The following KDM4A variants were observed in gnomAD, a reference collection of about 807,000 sequenced individuals.
The protein encoded by KDM4A is lysine-specific demethylase 4A.
Under a neutral mutation model 127.1 loss-of-function variants are expected in KDM4A, and 23 were observed. The ratio of observed to expected loss-of-function variants is 0.18; its 90% CI spans 0.13 to 0.26. The LOEUF is 0.26. Ranked by LOEUF, KDM4A falls within the 10% of genes least tolerant of loss-of-function variation. The pLI is 1.00. For synonymous variants in KDM4A, 443 were observed against 466.5 expected, an observed-to-expected ratio of 0.95 and a Z score of 0.65; for missense variants, 890 against 1,329.1, an observed-to-expected ratio of 0.67 and a Z score of 5.14.
At chr1:43,652,368 T>C (rs1321055781) in intron 1 of KDM4A, among the ~76,000 whole-genome samples, 1 of 152,228 alleles carries the variant, frequency 6.6e-6, no homozygotes, top group African/African-American at 2.4e-5. Context: ...TCTTTTTTTT[T>C]TCTTTCAAGA....
At chr1:43,698,135 C>A in intron 19 of KDM4A, 122 bp downstream of exon 19, 1 of 871,360 alleles carries the variant, frequency 1.1e-6, no homozygotes, top group Non-Finnish European at 1.7e-6. Context: ...ATCACCATGT[C>A]CTCAAACAGA....
intron 3 of KDM4A, among the ~76,000 whole-genome samples, chr1:43,658,638 G>A (rs1557903527): frequency 6.6e-6 from 1 of 151,564 alleles, no homozygotes. Context: ...CAAGTAGCTG[G>A]GACTATAGGC....
At chr1:43,696,962 T>C (rs1232258621) in intron 18 of KDM4A, among the ~76,000 whole-genome samples, 2 of 152,278 alleles carry the variant, frequency 1.3e-5, no homozygotes, top group African/African-American at 2.4e-5. Flanking sequence ...GAAGGACACA[T>C]AGAAGCAAGT....
rs188630655 is a variant in KDM4A, at chr1:43,670,683, C to T, written c.1364-822C>T. ...GGTTCAAGTGATTCTCCTACCTCAG[C>T]CTCCCAAGTAGCTGGGACTACAGAT... On this transcript the variant is annotated intron_variant, in intron 10 of 21. Transcript: ENST00000372396. Among the ~76,000 whole-genome samples, 13 of 151,926 alleles carry T rather than the reference C, an allele frequency of 8.6e-5. No individual in the cohort carries two copies. In the East Asian group the frequency reaches 2.5e-3, roughly 29 times the overall value.
Position 43,690,911 on chromosome 1 carries a change from A to G in KDM4A, c.2104A>G (p.Thr702Ala). ...ASDLAPQKQR[T>A]KPLIPEMCFT... ...AGATTTAGCCCCCCAGAAGCAGAGG[A>G]CCAAGCCATTGATTCCAGAAATGTG... Residue 702 changes from threonine to alanine, a missense_variant, in exon 14 of 22, where the codon ACC (threonine) becomes GCC (alanine). Coordinates refer to ENST00000372396, the MANE Select transcript of KDM4A (RefSeq NM_014663.3). 1 of 1,614,204 alleles carries G rather than the reference A, an allele frequency of 6.2e-7. No homozygotes were observed. The highest frequency in any genetic ancestry group is 8.5e-7 in the Non-Finnish European group (1 of 1,180,026).
chr1:43,681,979 T>C (rs1557914108), intron 11 of KDM4A, among the ~76,000 whole-genome samples: 1 of 152,334 alleles, frequency 6.6e-6, no homozygotes, highest in African/African-American at 2.4e-5. Context: ...TACTTACTTA[T>C]TGATTGGAGA....
In KDM4A at chr1:43,663,102, C is replaced by A; in HGVS notation, c.623+15C>A. On this transcript the variant is annotated intron_variant, in intron 5 of 21. Transcript: ENST00000372396. Reference sequence around the variant, plus strand: ...CCAAAGTCCTGGTACAGTCTGCCTGCAGTCGGCACCGGGCTTCTATGCTAG... The same window carrying A: ...CCAAAGTCCTGGTACAGTCTGCCTGAAGTCGGCACCGGGCTTCTATGCTAG... 6.2e-7 allele frequency: 1 copy of A among 1,603,852 alleles called. No homozygotes were observed. The highest frequency in any genetic ancestry group is 8.5e-7 in the Non-Finnish European group (1 of 1,173,982).
At chr1:43,689,171 G>A in intron 13 of KDM4A, 76 bp downstream of exon 13, 1 of 1,466,756 alleles carries the variant, frequency 6.8e-7, no homozygotes, top group Non-Finnish European at 9.4e-7. Context: ...TGAGTATATA[G>A]CTTGTCACTG....
At chr1:43,671,932 G>A (rs1348428172) in intron 11 of KDM4A, 57 bp downstream of exon 11, 18 of 1,499,778 alleles carry the variant, frequency 1.2e-5, no homozygotes, top group Admixed American at 4.6e-5. Context: ...ACACCCTGTC[G>A]GGAGGGGATC....
At chr1:43,674,062 C>T (rs565644574) in intron 11 of KDM4A, among the ~76,000 whole-genome samples, 2 of 152,336 alleles carry the variant, frequency 1.3e-5, no homozygotes, top group South Asian at 4.1e-4. Flanking sequence ...CCCACCTCAG[C>T]CTCCCAAGTA....
At chr1:43,661,909 T>G (rs1441959383) in intron 4 of KDM4A, among the ~76,000 whole-genome samples, 2 of 152,142 alleles carry the variant, frequency 1.3e-5, no homozygotes, top group African/African-American at 2.4e-5. Flanking sequence ...GTTCTTTTGT[T>G]TTTGAGACAG....
At chr1:43,674,709 G>A (rs1168701180) in intron 11 of KDM4A, among the ~76,000 whole-genome samples, 1 of 151,918 alleles carries the variant, frequency 6.6e-6, no homozygotes, top group East Asian at 1.9e-4. Context: ...TAGTAGAGAT[G>A]GGGTTTCACC....
intron 3 of KDM4A, 130 bp downstream of exon 3, chr1:43,655,896 C>T (rs996800747): frequency 1.6e-6 from 1 of 627,280 alleles, no homozygotes; most frequent in Non-Finnish European, 2.5e-6. Context: ...CTAGCTGTCT[C>T]CCTTTCTGCT....
chr1:43,689,197 G>C, intron 13 of KDM4A, 102 bp downstream of exon 13: 2 of 1,188,768 alleles, frequency 1.7e-6, no homozygotes, highest in Non-Finnish European at 2.4e-6. Flanking sequence ...CTTGGGAAAG[G>C]CCACCTCCAC....
intron 1 of KDM4A, among the ~76,000 whole-genome samples, chr1:43,651,516 C>A (rs1032765000): frequency 1.3e-5 from 2 of 152,150 alleles, no homozygotes; most frequent in African/African-American, 4.8e-5. Context: ...AGTTGTGCTC[C>A]GTGTTCTGCT....
intron 11 of KDM4A, among the ~76,000 whole-genome samples, chr1:43,673,824 C>T (rs1000107486): frequency 1.3e-5 from 2 of 152,250 alleles, no homozygotes; most frequent in Non-Finnish European, 2.9e-5. Flanking sequence ...CTGTTGACTA[C>T]TGTTCACTAC....
At chr1:43,650,814 C>T (rs954705118) in intron 1 of KDM4A, 18 of 152,314 alleles carry the variant, frequency 1.2e-4, no homozygotes, top group African/African-American at 3.6e-4. Flanking sequence ...GCCAAGGTCA[C>T]ATAGCTAATA....
chr1:43,686,150 T>TG (rs1553233537), intron 12 of KDM4A, among the ~76,000 whole-genome samples: 1 of 126,776 alleles, frequency 7.9e-6, no homozygotes, highest in Non-Finnish European at 1.7e-5. Flanking sequence ...TTTTGTTTCT[T>TG]GTTTTTTTTT....
intron 11 of KDM4A, among the ~76,000 whole-genome samples, chr1:43,679,193 C>T (rs1275113290): frequency 6.6e-6 from 1 of 152,146 alleles, no homozygotes; most frequent in Non-Finnish European, 1.5e-5. Flanking sequence ...TTTCTTAATG[C>T]CCTTGCCATA....
Sources: allele counts gnomAD v4.1 joint callset (sites outside exome capture counted in the v4.1 genomes callset), GRCh38; gene constraint gnomAD v4.1.1; transcripts MANE v1.5; gene names NCBI Gene and HGNC (gene_info 2026-07-23, HGNC 2026-07-21).